Variants in TTC5 observed in about 807,000 individuals in gnomAD.
TTC5 encodes the protein tetratricopeptide repeat domain 5, also known as tetratricopeptide repeat protein 5.
In TTC5, 46 loss-of-function variants were observed where a neutral mutation model predicts 57.4. That is an observed-to-expected ratio of 0.80 (90% CI 0.63 to 1.03). TTC5 has a LOEUF of 1.03. Ranked by LOEUF, TTC5 falls within the 50% of genes least tolerant of loss-of-function variation. The pLI is 0.00. For synonymous variants in TTC5, 190 were observed against 203.5 expected, an observed-to-expected ratio of 0.93 and a Z score of 0.57; for missense variants, 504 against 528.1, an observed-to-expected ratio of 0.95 and a Z score of 0.45.
In TTC5 at chr14:20,300,831, A is replaced by C. The variant is rs1566392463; in HGVS notation, c.185-13T>G. Reference sequence around the variant, plus strand: ...CCCTGGACAGAACCTAAGAGGAAGAAAAAAAGATAAAGTGGGAAAAAAACA... The same window carrying C: ...CCCTGGACAGAACCTAAGAGGAAGACAAAAAGATAAAGTGGGAAAAAAACA... On this transcript the variant is annotated splice_polypyrimidine_tract_variant and intron_variant, in intron 2 of 9. Transcript: ENST00000258821. The C allele has an allele frequency of 6.4e-7, 1 of 1,571,632 alleles. No individual in the cohort carries two copies. The highest frequency in any genetic ancestry group is 2.3e-5 in the East Asian group (1 of 44,338).
intron 8 of TTC5, 151 bp downstream of exon 8, chr14:20,295,161 G>C (rs1479308138): frequency 5.8e-6 from 4 of 685,830 alleles, no homozygotes; most frequent in South Asian, 1.8e-5. Flanking sequence ...ACATCACCCA[G>C]ACAATATCTG....
At chr14:20,296,311 A>G in intron 6 of TTC5, 79 bp downstream of exon 6, 3 of 1,171,046 alleles carry the variant, frequency 2.6e-6, no homozygotes, top group Non-Finnish European at 3.8e-6. Context: ...TCCCTATGCA[A>G]ACTCAGTTAT....
At chr14:20,297,713 C>A (rs1330548640) in intron 5 of TTC5, among the ~76,000 whole-genome samples, 1 of 151,298 alleles carries the variant, frequency 6.6e-6, no homozygotes, top group Non-Finnish European at 1.5e-5. Context: ...ACGGAGGTTG[C>A]AGTGAGCCGA....
rs187460849 is a variant in TTC5, at chr14:20,296,963, T to C, written c.640-517A>G. Among the ~76,000 whole-genome samples the C allele has an allele frequency of 9.2e-5, 14 of 152,218 alleles. No individual in the cohort carries two copies. In the East Asian group the frequency reaches 2.3e-3, roughly 25 times the overall value. ...AGGTGGAGGTTGCAGTGAGCCGAGATTGCACCACTGCACTCGAGCCTGGGT... is the reference window on the plus strand; with the variant it reads ...AGGTGGAGGTTGCAGTGAGCCGAGACTGCACCACTGCACTCGAGCCTGGGT... On this transcript the variant is annotated intron_variant, in intron 5 of 9. Coordinates refer to ENST00000258821, the MANE Select transcript of TTC5 (RefSeq NM_138376.3).
chr14:20,304,465 T>C (rs754052558), intron 1 of TTC5, among the ~76,000 whole-genome samples: 13 of 152,186 alleles, frequency 8.5e-5, no homozygotes, highest in Non-Finnish European at 1.8e-4. Context: ...GAAATATCCA[T>C]TTATACACTC....
At chr14:20,294,092 T>C (rs1008237603) in intron 8 of TTC5, 2 of 152,120 alleles carry the variant, frequency 1.3e-5, no homozygotes, top group African/African-American at 4.8e-5. Context: ...ACAGGAAATA[T>C]TGCAATCAAG....
chr14:20,305,013 A>G (rs947115386), intron 1 of TTC5, among the ~76,000 whole-genome samples: 1 of 152,200 alleles, frequency 6.6e-6, no homozygotes, highest in African/African-American at 2.4e-5. Context: ...ACATATATAC[A>G]CAAATAATGT....
Position 20,290,735 on chromosome 14 carries a change from A to T in TTC5, c.1204-989T>A, listed in dbSNP as rs1881936006. Reference sequence around the variant, plus strand: ...ATCATAGATACAAGCAAAGATACAAAAATCCTCACTGTGTTTCTAATTTTT... The same window carrying T: ...ATCATAGATACAAGCAAAGATACAATAATCCTCACTGTGTTTCTAATTTTT... On this transcript the variant is annotated intron_variant, in intron 9 of 9. Transcript: ENST00000258821. Among the ~76,000 whole-genome samples the T allele has an allele frequency of 2.0e-5, 3 of 152,194 alleles. No homozygotes were observed. In the South Asian group the frequency reaches 6.2e-4, roughly 32 times the overall value.
chr14:20,289,742 T>C lies in TTC5; in HGVS notation c.1208A>G (p.Tyr403Cys). The change falls in exon 10 of 10, where the codon TAT becomes TGT. Residue 403 changes from tyrosine to cysteine, a missense_variant. Coordinates refer to ENST00000258821, the MANE Select transcript of TTC5 (RefSeq NM_138376.3). The part of the protein sequence containing the change: ...LHRIQHKGKD[Y>C]SFSSVRVETP... The stretch of plus-strand genomic sequence containing the variant: ...CTCCACTCGAACACTGGAAAAGGAA[T>C]AGTCCTAGAAAAGACAGACAGACAA... The C allele has an allele frequency of 6.2e-7, 1 of 1,612,800 alleles. No homozygotes were observed. The highest frequency in any genetic ancestry group is 8.5e-7 in the Non-Finnish European group (1 of 1,179,364).
chr14:20,304,637 T>A (rs1394438081), intron 1 of TTC5, among the ~76,000 whole-genome samples: 2 of 152,208 alleles, frequency 1.3e-5, no homozygotes, highest in Non-Finnish European at 2.9e-5. Context: ...TCTCCCAAGC[T>A]GCTTAGGACA....
chr14:20,305,729 G>A (rs982474390), intron 1 of TTC5, 158 bp downstream of exon 1: 16 of 707,696 alleles, frequency 2.3e-5, no homozygotes, highest in Middle Eastern at 2.7e-4. Context: ...AGGCTCCCTG[G>A]CTGGCTGCGG....
chr14:20,300,513 T>C, intron 3 of TTC5, 94 bp downstream of exon 3: 1 of 1,107,128 alleles, frequency 9.0e-7, no homozygotes, highest in South Asian at 1.5e-5. Flanking sequence ...CAATTTCAGT[T>C]CTACTCTGGT....
rs149875789 is a variant in TTC5, at chr14:20,295,610, T to C, written c.844-84A>G. The C allele has an allele frequency of 2.4e-4, 367 of 1,548,368 alleles. 1 individual carries two copies. The African/African-American group carries it at 4.4e-3, about 19-fold the overall frequency. Reference sequence around the variant, plus strand: ...AATCCTTCCCTCCCACCCACTTCTATAGGGTCTCTACCTCGTAAACCTATT... The same window carrying C: ...AATCCTTCCCTCCCACCCACTTCTACAGGGTCTCTACCTCGTAAACCTATT... On this transcript the variant is annotated intron_variant, in intron 7 of 9. Transcript: ENST00000258821.
chr14:20,302,610 AT>A (rs1882215035), intron 1 of TTC5, among the ~76,000 whole-genome samples: 1 of 152,056 alleles, frequency 6.6e-6, no homozygotes. Flanking sequence ...GCTGCCTTGG[AT>A]TTTTTACAAA....
intron 2 of TTC5, among the ~76,000 whole-genome samples, chr14:20,301,311 C>T (rs1210726491): frequency 6.6e-6 from 1 of 152,134 alleles, no homozygotes; most frequent in Non-Finnish European, 1.5e-5. Flanking sequence ...TGGCCATGTT[C>T]ATGGGAGAAT....
chr14:20,298,667 CACA>C, intron 5 of TTC5, 127 bp downstream of exon 5: 1 of 652,206 alleles, frequency 1.5e-6, no homozygotes, highest in Non-Finnish European at 2.6e-6. Flanking sequence ...TTTGCAAAAT[CACA>C]AAAATGAGAT....
At chr14:20,290,686 A>C (rs1410545276) in intron 9 of TTC5, among the ~76,000 whole-genome samples, 1 of 152,248 alleles carries the variant, frequency 6.6e-6, no homozygotes, top group African/African-American at 2.4e-5. Context: ...AGGAGTCTAC[A>C]TTAGAAATTC....
chr14:20,296,306 A>C (rs961467911), intron 6 of TTC5, 84 bp downstream of exon 6: 26 of 1,110,012 alleles, frequency 2.3e-5, no homozygotes, highest in Non-Finnish European at 3.5e-5. Context: ...TCTTGTCCCT[A>C]TGCAAACTCA....
chr14:20,289,750 G>C lies in TTC5; in HGVS notation c.1204-4C>G. The C allele has an allele frequency of 6.2e-7, 1 of 1,610,900 alleles. No individual in the cohort carries two copies. Among genetic ancestry groups the C allele is most frequent in the South Asian group, 1.1e-5 (1 of 90,692 alleles). On this transcript the variant is annotated splice_region_variant and splice_polypyrimidine_tract_variant and intron_variant, in intron 9 of 9. Coordinates refer to ENST00000258821, the MANE Select transcript of TTC5 (RefSeq NM_138376.3). ...GAACACTGGAAAAGGAATAGTCCTA[G>C]AAAAGACAGACAGACAAAGGTTCAC...
Sources: allele counts gnomAD v4.1 joint callset (sites outside exome capture counted in the v4.1 genomes callset), GRCh38; gene constraint gnomAD v4.1.1; transcripts MANE v1.5; gene names NCBI Gene and HGNC (gene_info 2026-07-23, HGNC 2026-07-21).